The following ADGB variants were observed in gnomAD, a reference collection of about 807,000 sequenced individuals.
ADGB encodes calpain-7-like protein.
Under a neutral mutation model 210.5 loss-of-function variants are expected in ADGB, and 172 were observed. The ratio of observed to expected loss-of-function variants is 0.82; its 90% CI spans 0.72 to 0.93. The LOEUF (loss-of-function observed/expected upper bound fraction) is 0.93. ADGB is among the 40% of genes least tolerant of loss of function. ADGB has a pLI of 0.00. For missense variants in ADGB, 2,025 were observed against 1,964.8 expected (o/e 1.03, Z -0.58); for synonymous variants, 658 against 662.7 (o/e 0.99, Z 0.11).
At chr6:146,787,339 A>T (rs1230774899) in intron 32 of ADGB, among the ~76,000 whole-genome samples, 1 of 152,146 alleles carries the variant, frequency 6.6e-6, no homozygotes, top group Admixed American at 6.6e-5. Context: ...CAAGGTAACA[A>T]CTAGTTGACC....
intron 20 of ADGB, among the ~76,000 whole-genome samples, chr6:146,730,190 A>G (rs947439427): frequency 6.6e-6 from 1 of 152,186 alleles, no homozygotes; most frequent in Non-Finnish European, 1.5e-5. Context: ...CCATTATTCA[A>G]ACTTGACTGG....
chr6:146,607,019 C>T (rs552686328), intron 1 of ADGB, among the ~76,000 whole-genome samples: 2 of 152,202 alleles, frequency 1.3e-5, no homozygotes, highest in Admixed American at 1.3e-4. Context: ...GTTGATTTTT[C>T]CTATTCATGA....
At chr6:146,730,966 C>G (rs1043984168) in intron 20 of ADGB, among the ~76,000 whole-genome samples, 4 of 152,064 alleles carry the variant, frequency 2.6e-5, no homozygotes, top group African/African-American at 9.7e-5. Flanking sequence ...GATTTACATA[C>G]ATTTCTGAGA....
chr6:146,663,874 G>T (rs190136637), intron 5 of ADGB, among the ~76,000 whole-genome samples: 1 of 152,148 alleles, frequency 6.6e-6, no homozygotes, highest in Non-Finnish European at 1.5e-5. Context: ...CTTATCCATG[G>T]TTGTATAATG....
chr6:146,650,294 A>AT (rs1475091657), intron 3 of ADGB, among the ~76,000 whole-genome samples: 8 of 152,178 alleles, frequency 5.3e-5, no homozygotes, highest in Non-Finnish European at 8.8e-5. Flanking sequence ...ATGTCCGAAT[A>AT]ACCTTGAAAT....
chr6:146,680,889 G>A (rs972249925), intron 9 of ADGB, among the ~76,000 whole-genome samples: 6 of 152,114 alleles, frequency 3.9e-5, no homozygotes, highest in African/African-American at 1.4e-4. Flanking sequence ...GTGTTGAAGA[G>A]AGCCATGCTC....
intron 1 of ADGB, among the ~76,000 whole-genome samples, chr6:146,603,397 C>T (rs1242881721): frequency 2.6e-5 from 4 of 152,094 alleles, no homozygotes; most frequent in South Asian, 2.1e-4. Context: ...CAAAAGAAGT[C>T]GTGCAGTTTA....
intron 12 of ADGB, 42 bp downstream of exon 12, chr6:146,692,957 A>G (rs1776352501): frequency 8.7e-7 from 1 of 1,154,240 alleles, no homozygotes; most frequent in Non-Finnish European, 1.2e-6. Flanking sequence ...TCTTGTTAGT[A>G]AATACTTTGT....
intron 11 of ADGB, 80 bp downstream of exon 11, chr6:146,691,370 T>C: frequency 9.2e-7 from 1 of 1,085,886 alleles, no homozygotes; most frequent in Non-Finnish European, 1.2e-6. Context: ...AAGATGTATG[T>C]CAAGGTAAAT....
rs1301657299 is a variant in ADGB at position 146,725,330 on chromosome 6, C to G, written c.2238-753C>G. The stretch of plus-strand genomic sequence containing the variant: ...TCCAGAGCCATGGACTGGTCCTGGT[C>G]CGAGGCCTGTTAGGAACTGGGCCAT... On this transcript the variant is annotated intron_variant, in intron 18 of 35. Coordinates refer to ENST00000397944, the MANE Select transcript of ADGB (RefSeq NM_024694.4). The G allele has an allele frequency of 5.3e-5, 8 of 152,268 alleles. No homozygotes were observed. In the East Asian group the frequency reaches 7.7e-4, roughly 15 times the overall value. 9.4% of individuals were successfully genotyped at this position (152,268 alleles called of 1,614,324 possible).
chr6:146,784,784 G>A lies in ADGB; in HGVS notation c.4202G>A (p.Arg1401Lys). Residue 1401 changes from arginine to lysine, a missense_variant, in exon 31 of 36, where the codon AGA becomes AAA. Physicochemically the swap from Arg to Lys is conservative, Grantham distance 26. Transcript: ENST00000397944. ...KQAWETTEPG[R>K]AIKASQARLH... ...GCCTGGGAGACAACTGAGCCAGGAA[G>A]AGCAATCAAGGTCACCTGATTTCGA... is the stretch of plus-strand genomic sequence containing the variant. 1.3e-6 allele frequency: 2 copies of A among 1,547,232 alleles called. No individual in the cohort carries two copies. The highest frequency in any genetic ancestry group is 1.7e-6 in the Non-Finnish European group (2 of 1,145,286).
chr6:146,647,088 C>CAAAAAAAAAAAA (rs780260770), intron 3 of ADGB, among the ~76,000 whole-genome samples: 3 of 110,778 alleles, frequency 2.7e-5, no homozygotes, highest in Non-Finnish European at 3.8e-5. Flanking sequence ...GAGCCTGTCT[C>CAAAAAAAAAAAA]AAAAAAAAAC....
chr6:146,800,265 T>C (rs1353928482), intron 33 of ADGB, among the ~76,000 whole-genome samples: 2 of 152,148 alleles, frequency 1.3e-5, no homozygotes, highest in East Asian at 1.9e-4. Context: ...AATTTTACCA[T>C]ATGACCCAGT....
intron 30 of ADGB, among the ~76,000 whole-genome samples, chr6:146,782,674 G>A (rs551659546): frequency 6.6e-6 from 1 of 152,144 alleles, no homozygotes; most frequent in Non-Finnish European, 1.5e-5. Flanking sequence ...AGATGAGGCT[G>A]GAGGGGTCAG....
At chr6:146,798,320 G>A (rs1472735662) in intron 33 of ADGB, among the ~76,000 whole-genome samples, 1 of 152,112 alleles carries the variant, frequency 6.6e-6, no homozygotes, top group African/African-American at 2.4e-5. Flanking sequence ...AAACTATATT[G>A]TTGGGCTTAT....
At chr6:146,808,340 C>T (rs1034279910) in intron 35 of ADGB, among the ~76,000 whole-genome samples, 1 of 152,098 alleles carries the variant, frequency 6.6e-6, no homozygotes, top group Non-Finnish European at 1.5e-5. Context: ...AAGAAACCTC[C>T]TTCATAGACC....
chr6:146,639,626 A>G (rs1775477903), intron 2 of ADGB: 1 of 152,030 alleles, frequency 6.6e-6, no homozygotes, highest in South Asian at 2.1e-4. Flanking sequence ...AGAAAACCCC[A>G]TAGTCTCAGA....
At position 146,788,556 on chromosome 6, in the gene ADGB, G is replaced by T. The variant is rs76082778; in HGVS notation, c.4483G>T (p.Val1495Leu). ...ATCCACGAGTAGCGAAAGTGGAGGA[G>T]TGTCTTCACCAGGGAAAGAAGAGCG... The part of the protein sequence containing the change: ...AKSTSSESGG[V>L]SSPGKEEREQ... Residue 1495 changes from valine (V) to leucine (L), a missense_variant, in exon 33 of 36, where the codon GTG becomes TTG. Val to Leu is a conservative substitution (Grantham distance 32). Coordinates refer to ENST00000397944, the MANE Select transcript of ADGB (RefSeq NM_024694.4). 2.4e-3 allele frequency: 3,736 copies of T among 1,551,648 alleles called. 70 individuals are homozygous for T. In the African/African-American group the frequency reaches 0.045, roughly 19 times the overall value.
chr6:146,728,697 C>G lies in ADGB; in HGVS notation c.2476C>G (p.Pro826Ala). ...ALKDLQTAHYPVPFHDKELTA... is the reference protein window; with the variant it reads ...ALKDLQTAHYAVPFHDKELTA... ...GAAGGATCTGCAAACAGCTCACTAC[C>G]CTGTCCCCTTCCATGATAAAGAACT... The change falls in exon 20 of 36, where the codon CCT becomes GCT. Residue 826 changes from proline to alanine, a missense_variant. Transcript: ENST00000397944. 1 of 1,551,244 alleles carries G rather than the reference C, an allele frequency of 6.4e-7. No individual in the cohort carries two copies. The highest frequency in any genetic ancestry group is 8.7e-7 in the Non-Finnish European group (1 of 1,146,710).
Sources: allele counts gnomAD v4.1 joint callset (sites outside exome capture counted in the v4.1 genomes callset), GRCh38; gene constraint gnomAD v4.1.1; transcripts MANE v1.5; gene names NCBI Gene and HGNC (gene_info 2026-07-23, HGNC 2026-07-21).